HIPK4: variants seen among roughly 807,000 people sequenced by gnomAD.
The protein encoded by HIPK4 is homeodomain interacting protein kinase 4, also known as homeodomain-interacting protein kinase 4.
A neutral mutation model predicts 44.8 loss-of-function variants in HIPK4; 26 were observed. The observed-to-expected ratio is 0.58, with a 90% CI of 0.43 to 0.80. The LOEUF (loss-of-function observed/expected upper bound fraction) is 0.80. Among genes scored for constraint, HIPK4 ranks in the 30% least tolerant of loss-of-function variants. The pLI is 0.00. For missense variants in HIPK4, 729 were observed against 862.6 expected (o/e 0.85, Z 1.94); for synonymous variants, 340 against 355.5 (o/e 0.96, Z 0.49).
chr19:40,381,243 C>T lies in HIPK4; in HGVS notation c.823-75G>A, dbSNP rs891161538. ...GGCCCTGGGCACTCCTGCTGTGGCA[C>T]CCACATGTAGCCCCGACTTCCAGGT... is the stretch of plus-strand genomic sequence containing the variant. On this transcript the variant is annotated intron_variant, in intron 2 of 3. Transcript: ENST00000291823. The T allele has an allele frequency of 3.8e-5, 46 of 1,215,914 alleles. No individual in the cohort carries two copies. In the African/African-American group the frequency reaches 5.5e-4, roughly 15 times the overall value. The allele number at this position is 1,215,914 out of a possible 1,614,324, so 75.3% of individuals were successfully genotyped here.
chr19:40,384,595 G>A (rs1467195377), intron 1 of HIPK4, among the ~76,000 whole-genome samples: 4 of 146,644 alleles, frequency 2.7e-5, no homozygotes, highest in Non-Finnish European at 4.5e-5. Flanking sequence ...GTGAGCCACC[G>A]CACCCAGCCT....
chr19:40,389,639 G>C lies in HIPK4; in HGVS notation c.264C>G (p.Val88=). The change falls in exon 1 of 4, where the codon GTC becomes GTG. Residue 88 remains valine, a synonymous_variant. Coordinates refer to ENST00000291823, the MANE Select transcript of HIPK4 (RefSeq NM_144685.5). The surrounding 1 kb of genome is among the most constrained non-coding windows in gnomAD (Gnocchi z 4.6). The part of the protein sequence containing the change: ...FFHDALKFYL[V]FELLEQNLFE... ...AAAGGTTTTGCTCCAGCAGCTCAAA[G>C]ACCAGGTAGAACTTGAGGGCGTCAT... 2 of 1,614,178 alleles carry C rather than the reference G, an allele frequency of 1.2e-6. No homozygotes were observed. Among genetic ancestry groups the C allele is most frequent in the Admixed American group, 1.7e-5 (1 of 60,030 alleles).
At position 40,379,338 on chromosome 19, in the gene HIPK4, G is replaced by A; in HGVS notation, c.*249C>T. On this transcript the variant is annotated 3_prime_UTR_variant, in exon 4 of 4. Transcript: ENST00000291823. ...CAAGGGCGAGCGCAGGGCCAGCGGG[G>A]TGCAGCCCCCTTTCCTGCTGTCCTT... 2.0e-6 allele frequency: 1 copy of A among 511,644 alleles called. No homozygotes were observed. 31.7% of individuals were successfully genotyped at this position (511,644 alleles called of 1,614,324 possible). A position where few individuals can be genotyped will look rare whatever the true frequency, so the allele number is the denominator to read the frequency against.
At position 40,380,822 on chromosome 19, in the gene HIPK4, G is replaced by T; in HGVS notation, c.1169C>A (p.Thr390Asn). Residue 390 changes from threonine to asparagine, a missense_variant, in exon 3 of 4, where the codon ACC becomes AAC. Physicochemically the swap from Thr to Asn is moderately conservative, Grantham distance 65. Coordinates refer to ENST00000291823, the MANE Select transcript of HIPK4 (RefSeq NM_144685.5). This position sits in a 1 kb window ranked among gnomAD's most constrained non-coding sequence, Gnocchi z 4.2. ...CTCCTCAGCCAGACAGTAGTAGGGGGTCCCATCTTCTGCGGCCACGACGGG... is the reference window on the plus strand; with the variant it reads ...CTCCTCAGCCAGACAGTAGTAGGGGTTCCCATCTTCTGCGGCCACGACGGG... ...PTPVVAAEDG[T>N]PYYCLAEEKE... 1 of 1,611,614 alleles carries T rather than the reference G, an allele frequency of 6.2e-7. No homozygotes were observed. Among genetic ancestry groups the T allele is most frequent in the Non-Finnish European group, 8.5e-7 (1 of 1,177,928 alleles).
chr19:40,389,718 A>C lies in HIPK4; in HGVS notation c.185T>G (p.Met62Arg). 5.6e-6 allele frequency: 9 copies of C among 1,614,226 alleles called. No homozygotes were observed. The highest frequency in any genetic ancestry group is 6.8e-6 in the Non-Finnish European group (8 of 1,180,038). ...GGCCTCTTCAGGGTCTAGGCCTCGC[A>C]TGCAGTGCAGCAGCTTCAGCTCGTT... ...IKNELKLLHC[M>R]RGLDPEEAHV... Residue 62 changes from methionine (M) to arginine (R), a missense_variant, in exon 1 of 4, where the codon ATG (methionine) becomes AGG (arginine). By Grantham distance (91) the Met-to-Arg change is moderately conservative. Coordinates refer to ENST00000291823, the MANE Select transcript of HIPK4 (RefSeq NM_144685.5). The surrounding 1 kb of genome is among the most constrained non-coding windows in gnomAD (Gnocchi z 4.6).
chr19:40,388,490 C>T (rs979859538), intron 1 of HIPK4, among the ~76,000 whole-genome samples: 2 of 152,140 alleles, frequency 1.3e-5, no homozygotes, highest in Non-Finnish European at 2.9e-5. Flanking sequence ...GTGATAATGC[C>T]GGCCAGGTGC....
intron 1 of HIPK4, among the ~76,000 whole-genome samples, chr19:40,384,453 A>T (rs2079353708): frequency 6.6e-6 from 1 of 151,922 alleles, no homozygotes; most frequent in African/African-American, 2.4e-5. Flanking sequence ...GCAGGCGCCC[A>T]CCACCACACC....
intron 1 of HIPK4, among the ~76,000 whole-genome samples, chr19:40,387,097 C>G (rs1344962228): frequency 6.6e-6 from 1 of 152,134 alleles, no homozygotes; most frequent in African/African-American, 2.4e-5. Flanking sequence ...TCTAGTAATC[C>G]TCCCACCTCG....
chr19:40,385,240 C>T (rs923824315), intron 1 of HIPK4, among the ~76,000 whole-genome samples: 11 of 152,270 alleles, frequency 7.2e-5, no homozygotes, highest in Admixed American at 4.6e-4. Flanking sequence ...TGTGGCCGCC[C>T]GGGATAGATT....
chr19:40,382,642 C>T (rs2079342547), intron 2 of HIPK4, among the ~76,000 whole-genome samples: 1 of 152,150 alleles, frequency 6.6e-6, no homozygotes, highest in Admixed American at 6.6e-5. Context: ...TGACCAGTCC[C>T]ACATTTGATC....
rs150935653 is a variant in HIPK4, at chr19:40,380,756, G to A, written c.1235C>T (p.Pro412Leu). The A allele has an allele frequency of 8.7e-6, 14 of 1,614,050 alleles. No homozygotes were observed. In the Middle Eastern group the frequency reaches 1.3e-3, roughly 152 times the overall value. ...TGGTGCCTTCTCCTCTCGGAAGAAG[G>A]GGCTGCTGCCGGCCACACTGCCCAT... is the stretch of plus-strand genomic sequence containing the variant. ...AGMGSVAGSS[P>L]FFREEKAPGM... is the part of the protein sequence containing the mutation. Residue 412 changes from proline (P) to leucine (L), a missense_variant, in exon 3 of 4, where the codon CCC (proline) becomes CTC (leucine). Around this residue, in one of 2 missense-constraint regions of HIPK4, gnomAD observed 533 missense variants for 567.5 expected, o/e 0.94. Coordinates refer to ENST00000291823, the MANE Select transcript of HIPK4 (RefSeq NM_144685.5). The surrounding 1 kb of genome is among the most constrained non-coding windows in gnomAD (Gnocchi z 4.2).
chr19:40,389,652 T>C lies in HIPK4; in HGVS notation c.251A>G (p.Lys84Arg), dbSNP rs926825676. 7.4e-6 allele frequency: 12 copies of C among 1,614,168 alleles called. No individual in the cohort carries two copies. The highest frequency in any genetic ancestry group is 8.5e-6 in the Non-Finnish European group (10 of 1,180,020). Residue 84 changes from lysine to arginine, a missense_variant, in exon 1 of 4, where the codon AAG becomes AGG. Lys to Arg is a conservative substitution (Grantham distance 26, BLOSUM62 2). Around this residue, in one of 2 missense-constraint regions of HIPK4, gnomAD observed 196 missense variants for 295.1 expected, o/e 0.66. Transcript: ENST00000291823. The surrounding 1 kb of genome is among the most constrained non-coding windows in gnomAD (Gnocchi z 4.6). ...RFLEFFHDAL[K>R]FYLVFELLEQ... ...CAGCAGCTCAAAGACCAGGTAGAAC[T>C]TGAGGGCGTCATGGAAGAACTCAAG...
chr19:40,379,608 C>G lies in HIPK4; in HGVS notation c.1830G>C (p.Gln610His). Residue 610 changes from glutamine to histidine, a missense_variant, in exon 4 of 4, where the codon CAG (glutamine) becomes CAC (histidine). Gln to His is a conservative substitution (Grantham distance 24). Coordinates refer to ENST00000291823, the MANE Select transcript of HIPK4 (RefSeq NM_144685.5). ...GPPRGATSFL[Q>H]HVTGHH ...ACCATCAGTGGTGCCCGGTGACATG[C>G]TGGAGGAAGCTGGTGGCCCCCCGGG... The G allele has an allele frequency of 6.5e-7, 1 of 1,539,954 alleles. No individual in the cohort carries two copies. Among genetic ancestry groups the G allele is most frequent in the Non-Finnish European group, 8.7e-7 (1 of 1,143,990 alleles).
In HIPK4 at chr19:40,389,740, C is replaced by T. The variant is rs1568698585; in HGVS notation, c.163G>A (p.Glu55Lys). 2 of 1,614,210 alleles carry T rather than the reference C, an allele frequency of 1.2e-6. No homozygotes were observed. Among genetic ancestry groups the T allele is most frequent in the Non-Finnish European group, 1.7e-6 (2 of 1,180,046 alleles). ...DAYRNRIIKN[E>K]LKLLHCMRGL... ...CGCATGCAGTGCAGCAGCTTCAGCT[C>T]GTTCTTGATGATGCGGTTGCGGTAG... is the stretch of plus-strand genomic sequence containing the variant. The change falls in exon 1 of 4, where the codon GAG (glutamate) becomes AAG (lysine). Residue 55 changes from glutamate (E) to lysine (K), a missense_variant. Glu to Lys is a moderately conservative substitution (Grantham distance 56). Coordinates refer to ENST00000291823, the MANE Select transcript of HIPK4 (RefSeq NM_144685.5). The surrounding 1 kb of genome is among the most constrained non-coding windows in gnomAD (Gnocchi z 4.6).
At chr19:40,388,793 T>C (rs2079374477) in intron 1 of HIPK4, among the ~76,000 whole-genome samples, 1 of 152,218 alleles carries the variant, frequency 6.6e-6, no homozygotes, top group African/African-American at 2.4e-5. Context: ...ACACTTGTAA[T>C]TCCAGCACTT....
chr19:40,379,889 C>A, intron 3 of HIPK4, 120 bp from the exon 4 acceptor site: 1 of 1,038,616 alleles, frequency 9.6e-7, no homozygotes, highest in Non-Finnish European at 1.4e-6. Flanking sequence ...AGTGCTGGGC[C>A]TTTATTGCCC....
rs1328891678 is a variant in HIPK4, at chr19:40,384,109, T to G, written c.496A>C (p.Ser166Arg). 3.1e-6 allele frequency: 5 copies of G among 1,592,128 alleles called. No individual in the cohort carries two copies. Among genetic ancestry groups the G allele is most frequent in the Non-Finnish European group, 4.3e-6 (5 of 1,164,602 alleles). The part of the protein sequence containing the change: ...VIDFGSASIF[S>R]EVRYVKEPYI... ...GGCTCCTTCACGTAGCGCACCTCGCTGAAAATGCTGGCGGATCCGAAGTCA... is the reference window on the plus strand; with the variant it reads ...GGCTCCTTCACGTAGCGCACCTCGCGGAAAATGCTGGCGGATCCGAAGTCA... Residue 166 changes from serine (S) to arginine (R), a missense_variant, in exon 2 of 4, where the codon AGC (serine) becomes CGC (arginine). This residue lies in a region of HIPK4 where 196 missense variants were observed against 295.1 expected (regional missense o/e 0.66). Coordinates refer to ENST00000291823, the MANE Select transcript of HIPK4 (RefSeq NM_144685.5).
At chr19:40,384,541 G>A (rs939139629) in intron 1 of HIPK4, among the ~76,000 whole-genome samples, 5 of 150,620 alleles carry the variant, frequency 3.3e-5, no homozygotes, top group Admixed American at 1.3e-4. Flanking sequence ...CTGACCTCAT[G>A]TGACCCACCC....
At chr19:40,386,758 A>G (rs957757902) in intron 1 of HIPK4, among the ~76,000 whole-genome samples, 1 of 152,234 alleles carries the variant, frequency 6.6e-6, no homozygotes, top group African/African-American at 2.4e-5. Context: ...AGGGCTTGGC[A>G]CACAGCAGGG....
Sources: gnomAD v4.1 joint callset for allele counts (sites outside exome capture counted in the v4.1 genomes callset) on GRCh38, gnomAD v4.1.1 for gene constraint, gnomAD v4.1.1 regional missense constraint, Gnocchi (gnomAD v3.1) non-coding constraint, MANE v1.5 for transcripts, NCBI Gene and HGNC (gene_info 2026-07-23, HGNC 2026-07-21) for gene names.